Variants in GAPVD1 observed in about 807,000 individuals in gnomAD.
GAPVD1 encodes the protein GTPase activating protein and VPS9 domains 1.
GAPVD1 carries 35 observed loss-of-function variants against 155.5 expected under a neutral mutation model. That is an observed-to-expected ratio of 0.23 (90% confidence interval 0.17 to 0.30). The LOEUF (loss-of-function observed/expected upper bound fraction) is 0.30. GAPVD1 is among the 10% of genes least tolerant of loss of function. The pLI is 1.00. For missense variants in GAPVD1, 1,429 were observed against 1,775.7 expected, an observed-to-expected ratio of 0.80 and a Z score of 3.51; for synonymous variants, 636 against 619.7, an observed-to-expected ratio of 1.03 and a Z score of -0.39.
intron 15 of GAPVD1, among the ~76,000 whole-genome samples, chr9:125,333,168 T>A (rs1347222001): frequency 6.6e-6 from 1 of 151,652 alleles, no homozygotes; most frequent in African/African-American, 2.4e-5. Context: ...GCCTCCTGGG[T>A]CTGCTGGGTT....
intron 1 of GAPVD1, chr9:125,263,989 G>A (rs1043807971): frequency 9.5e-6 from 13 of 1,364,758 alleles, no homozygotes; most frequent in South Asian, 4.7e-5. Flanking sequence ...GGTTGGGCAC[G>A]TTCTTGTCTG....
chr9:125,307,919 C>T (rs774446745), intron 8 of GAPVD1, 39 bp downstream of exon 8: 1 of 1,337,432 alleles, frequency 7.5e-7, no homozygotes, highest in Middle Eastern at 1.8e-4. Context: ...TCTCTTAAAT[C>T]TAATATTTCA....
intron 4 of GAPVD1, among the ~76,000 whole-genome samples, chr9:125,300,806 G>GT (rs1286854760): frequency 6.7e-6 from 1 of 150,262 alleles, no homozygotes; most frequent in South Asian, 2.1e-4. Flanking sequence ...ATAAAAATGA[G>GT]TTTAAAAAAA....
At chr9:125,263,906 A>G in intron 1 of GAPVD1, 1 of 1,438,300 alleles carries the variant, frequency 7.0e-7, no homozygotes, top group Non-Finnish European at 9.8e-7. Context: ...GTACCAGTAG[A>G]AATGTCTCCA....
intron 1 of GAPVD1, among the ~76,000 whole-genome samples, chr9:125,266,163 G>T (rs1409101409): frequency 1.4e-5 from 2 of 144,248 alleles, no homozygotes; most frequent in Admixed American, 7.0e-5. Flanking sequence ...TTTTGCTCTT[G>T]TTGCCCAGGC....
chr9:125,271,956 AT>A (rs753126033), intron 2 of GAPVD1, among the ~76,000 whole-genome samples: 1 of 152,228 alleles, frequency 6.6e-6, no homozygotes, highest in Non-Finnish European at 1.5e-5. Context: ...AAGTTATAAC[AT>A]TTAAGGCTGA....
chr9:125,300,436 C>T (rs1444565551), intron 4 of GAPVD1, among the ~76,000 whole-genome samples: 1 of 151,844 alleles, frequency 6.6e-6, no homozygotes, highest in Non-Finnish European at 1.5e-5. Flanking sequence ...CCCTCGGCCT[C>T]CCAAAGTGCT....
chr9:125,352,150 C>A (rs927101472), intron 23 of GAPVD1, among the ~76,000 whole-genome samples: 1 of 152,160 alleles, frequency 6.6e-6, no homozygotes, highest in Non-Finnish European at 1.5e-5. Context: ...TCTAGGTGCA[C>A]GGTGCAAACT....
At chr9:125,326,646 C>A in intron 12 of GAPVD1, 57 bp downstream of exon 12, 1 of 1,253,462 alleles carries the variant, frequency 8.0e-7, no homozygotes, top group Non-Finnish European at 1.2e-6. Flanking sequence ...AATCCACCAA[C>A]CTTTCATGGG....
intron 3 of GAPVD1, among the ~76,000 whole-genome samples, 173 bp from the exon 4 acceptor site, chr9:125,298,717 T>G (rs972242209): frequency 6.6e-6 from 1 of 151,908 alleles, no homozygotes; most frequent in Non-Finnish European, 1.5e-5. Flanking sequence ...CTCGATCTCT[T>G]GATCTTGTAA....
chr9:125,360,716 G>C lies in GAPVD1; in HGVS notation c.4233G>C (p.Val1411=), dbSNP rs774805043. Residue 1411 remains valine, a synonymous_variant, in exon 27 of 28, where the codon GTG becomes GTC. Coordinates refer to ENST00000297933, the MANE Select transcript of GAPVD1 (RefSeq NM_001282680.3). ...ACTTTGTTCCTGTGTTGGTGTTTGT[G>C]TTGATAAAGGTGGGCCCCTTACTAC... The part of the protein sequence containing the change: ...ADDFVPVLVF[V]LIKANPPCLL... 1 of 1,613,318 alleles carries C rather than the reference G, an allele frequency of 6.2e-7. No homozygotes were observed. The highest frequency in any genetic ancestry group is 1.3e-5 in the African/African-American group (1 of 75,014).
At chr9:125,343,878 C>T (rs1274871947) in intron 19 of GAPVD1, among the ~76,000 whole-genome samples, 2 of 152,168 alleles carry the variant, frequency 1.3e-5, no homozygotes, top group East Asian at 3.8e-4. Flanking sequence ...CTCTTAATGA[C>T]ATCTCATGTT....
At chr9:125,331,798 G>T (rs748840336) in intron 13 of GAPVD1, 128 bp from the exon 14 acceptor site, 41 of 778,902 alleles carry the variant, frequency 5.3e-5, no homozygotes, top group Non-Finnish European at 7.7e-5. Context: ...AACTAGTCCA[G>T]ACTTACACAT....
rs994464075 is a variant in GAPVD1, at chr9:125,307,747, T to C, written c.1308T>C (p.Ala436=). Residue 436 remains alanine, a synonymous_variant, in exon 8 of 28, where the codon GCT becomes GCC. Coordinates refer to ENST00000297933, the MANE Select transcript of GAPVD1 (RefSeq NM_001282680.3). The stretch of plus-strand genomic sequence containing the variant: ...ATCAACTGAGAGAAGATAGAATGGC[T>C]CTTGACAATTTATTGGCAAACCTAC... ...SGDQLREDRM[A]LDNLLANLPP... 21 of 1,613,936 alleles carry C rather than the reference T, an allele frequency of 1.3e-5. No homozygotes were observed. The highest frequency in any genetic ancestry group is 1.6e-5 in the Non-Finnish European group (19 of 1,179,926).
Position 125,302,840 on chromosome 9 carries a change from A to C in GAPVD1, c.1029+14A>C. 6.4e-7 allele frequency: 1 copy of C among 1,566,670 alleles called. No homozygotes were observed. Among genetic ancestry groups the C allele is most frequent in the African/African-American group, 1.4e-5 (1 of 73,386 alleles). On this transcript the variant is annotated intron_variant, in intron 5 of 27. Coordinates refer to ENST00000297933, the MANE Select transcript of GAPVD1 (RefSeq NM_001282680.3). ...AATCTGATGCAGGTATGCTTTTGCTATTATTATTAACGTGGCATTTAGTTT... is the reference window on the plus strand; with the variant it reads ...AATCTGATGCAGGTATGCTTTTGCTCTTATTATTAACGTGGCATTTAGTTT...
At chr9:125,295,836 T>C (rs1839762949) in intron 3 of GAPVD1, among the ~76,000 whole-genome samples, 1 of 152,214 alleles carries the variant, frequency 6.6e-6, no homozygotes, top group Non-Finnish European at 1.5e-5. Context: ...TTTTATGTTC[T>C]CTTTCTATCT....
At chr9:125,329,167 ATTAC>A (rs1283137046) in intron 12 of GAPVD1, among the ~76,000 whole-genome samples, 1 of 152,216 alleles carries the variant, frequency 6.6e-6, no homozygotes, top group African/African-American at 2.4e-5. Flanking sequence ...TTGGTTTTAC[ATTAC>A]TTTGTTCCAG....
In GAPVD1 at chr9:125,336,152, A is replaced by G. The variant is rs1846915448; in HGVS notation, c.2429-866A>G. Among the ~76,000 whole-genome samples, 6 of 152,158 alleles carry G rather than the reference A, an allele frequency of 3.9e-5. No homozygotes were observed. The South Asian group carries it at 1.2e-3, about 32-fold the overall frequency. ...AGAGCAAGACTTTGTCTCCAAAAAA[A>G]AAAAAAAAAGCCTGAGACCAAAATT... On this transcript the variant is annotated intron_variant, in intron 15 of 27. Coordinates refer to ENST00000297933, the MANE Select transcript of GAPVD1 (RefSeq NM_001282680.3).
intron 3 of GAPVD1, among the ~76,000 whole-genome samples, chr9:125,296,358 GTTT>G (rs1554758517): frequency 8.2e-6 from 1 of 121,756 alleles, no homozygotes; most frequent in African/African-American, 3.6e-5. Context: ...TAGTTCTTAG[GTTT>G]TTTTTTTTTT....
Sources: allele counts gnomAD v4.1 joint callset (sites outside exome capture counted in the v4.1 genomes callset), GRCh38; gene constraint gnomAD v4.1.1; transcripts MANE v1.5; gene names NCBI Gene and HGNC (gene_info 2026-07-23, HGNC 2026-07-21).